Variants in CEP192 observed in about 807,000 individuals in gnomAD.
CEP192 encodes centrosomal protein 192, also known as centrosomal protein of 192 kDa.
CEP192 carries 151 observed loss-of-function variants against 271.8 expected under a neutral mutation model. That is an observed-to-expected ratio of 0.56 (90% CI 0.49 to 0.64). CEP192 has a LOEUF of 0.64. Among genes scored for constraint, CEP192 ranks in the 30% least tolerant of loss-of-function variants. The probability of loss-of-function intolerance (pLI) is 0.00; values close to 1 mark genes in which losing one functional copy is unlikely to be tolerated. For missense variants in CEP192, 2,910 were observed against 3,020.5 expected, an observed-to-expected ratio of 0.96 and a Z score of 0.86; for synonymous variants, 995 against 1,076.5, an observed-to-expected ratio of 0.92 and a Z score of 1.48.
intron 3 of CEP192, among the ~76,000 whole-genome samples, chr18:13,002,717 C>G (rs1374551642): frequency 6.6e-6 from 1 of 151,960 alleles, no homozygotes; most frequent in Non-Finnish European, 1.5e-5. Context: ...TGTATATATG[C>G]ATGAAAGAAA....
At chr18:13,103,708 G>A in intron 39 of CEP192, 120 bp downstream of exon 39, 1 of 868,214 alleles carries the variant, frequency 1.2e-6, no homozygotes, top group South Asian at 1.4e-5. Flanking sequence ...TGTTTTCTGA[G>A]ACAAAAAAGT....
chr18:13,045,323 C>T (rs2036416837), intron 15 of CEP192, among the ~76,000 whole-genome samples: 1 of 151,960 alleles, frequency 6.6e-6, no homozygotes, highest in Admixed American at 6.6e-5. Flanking sequence ...TTCTGCCTTC[C>T]TGCTTTTTCA....
intron 11 of CEP192, among the ~76,000 whole-genome samples, chr18:13,034,820 TA>T (rs33997079): frequency 0.044 from 4,554 of 104,490 alleles, 91 homozygotes; most frequent in Middle Eastern, 0.075. Context: ...CTCTGTCTCA[TA>T]AAAAAAAAAA....
chr18:13,124,436 T>TC, intron 44 of CEP192, 196 bp from the exon 45 acceptor site: 1 of 476,968 alleles, frequency 2.1e-6, no homozygotes, highest in East Asian at 3.0e-5. Context: ...ACTGTTTTAA[T>TC]CCAATTTTAC....
Position 13,116,430 on chromosome 18 carries a change from TC to T in CEP192, c.7345del (p.Arg2449GlyfsTer25). The T allele has an allele frequency of 6.2e-7, 1 of 1,612,956 alleles. No individual in the cohort carries two copies. The highest frequency in any genetic ancestry group is 8.5e-7 in the Non-Finnish European group (1 of 1,179,632). ...TATGCCCCAGAGGATGTGTACAGGT[TC>T]CGGCCGACTAGTGTGGGGGAATCAC... is the stretch of plus-strand genomic sequence containing the variant. ...GVYAPEDVYR[F>X]RPTSVGESRT... On this transcript the variant is annotated frameshift_variant, in exon 43 of 45. Coordinates refer to ENST00000506447, the MANE Select transcript of CEP192 (RefSeq NM_032142.4). LOFTEE classifies it high-confidence loss of function.
At chr18:13,042,981 G>A (rs1438825272) in intron 15 of CEP192, among the ~76,000 whole-genome samples, 1 of 152,184 alleles carries the variant, frequency 6.6e-6, no homozygotes, top group African/African-American at 2.4e-5. Context: ...TCATTTCAGT[G>A]GTTTTGACAG....
At position 13,087,179 on chromosome 18, in the gene CEP192, G is replaced by T; in HGVS notation, c.5779G>T (p.Ala1927Ser). The stretch of plus-strand genomic sequence containing the variant: ...TGGCTCCCGAGCAGCTTTTGTTAAA[G>T]CAGTAGGTTTTAAGGATTCTCAGAA... The part of the protein sequence containing the change: ...NTGSRAAFVK[A>S]VGFKDSQKKV... Residue 1927 changes from alanine to serine, a missense_variant, in exon 31 of 45, where the codon GCA (alanine) becomes TCA (serine). Transcript: ENST00000506447. 1 of 1,614,030 alleles carries T rather than the reference G, an allele frequency of 6.2e-7. No homozygotes were observed. Among genetic ancestry groups the T allele is most frequent in the African/African-American group, 1.3e-5 (1 of 75,028 alleles).
intron 3 of CEP192, among the ~76,000 whole-genome samples, chr18:13,005,792 G>C (rs573559095): frequency 1.3e-4 from 20 of 152,192 alleles, no homozygotes; most frequent in African/African-American, 2.2e-4. Context: ...TTGGGGAGGA[G>C]GGAATTTGTG....
At position 13,001,521 on chromosome 18, in the gene CEP192, C is replaced by G; in HGVS notation, c.229C>G (p.Pro77Ala). ...ATTTTCAGTTCCATCCGGGTCATCT[C>G]CCGGAAGCCAGAGTGATGCTGAACC... ...GRFSVPSGSS[P>A]GSQSDAEPRE... The change falls in exon 3 of 45, where the codon CCC becomes GCC. Residue 77 changes from proline to alanine, a missense_variant. Transcript: ENST00000506447. 6.4e-7 allele frequency: 1 copy of G among 1,551,236 alleles called. No homozygotes were observed. Among genetic ancestry groups the G allele is most frequent in the Non-Finnish European group, 8.7e-7 (1 of 1,146,776 alleles).
chr18:13,018,285 G>A (rs1310916795), intron 7 of CEP192, among the ~76,000 whole-genome samples, 195 bp from the exon 8 acceptor site: 1 of 152,124 alleles, frequency 6.6e-6, no homozygotes, highest in Non-Finnish European at 1.5e-5. Context: ...TTATTCCCCG[G>A]CAACTCTTCA....
chr18:13,113,023 AG>A (rs2040273347), intron 40 of CEP192, among the ~76,000 whole-genome samples: 4 of 152,254 alleles, frequency 2.6e-5, no homozygotes, highest in Admixed American at 2.0e-4. Context: ...GTACACATGC[AG>A]GGTGTTTATC....
intron 44 of CEP192, among the ~76,000 whole-genome samples, chr18:13,120,218 C>T (rs559623080): frequency 3.3e-5 from 5 of 151,760 alleles, no homozygotes; most frequent in Non-Finnish European, 7.4e-5. Flanking sequence ...GGGACAAGAC[C>T]AACTGAGTGG....
At chr18:13,071,713 T>A (rs1286363126) in intron 28 of CEP192, among the ~76,000 whole-genome samples, 2 of 148,854 alleles carry the variant, frequency 1.3e-5, no homozygotes. Context: ...ACTGTAAAAT[T>A]GTTTGTTGTT....
intron 30 of CEP192, among the ~76,000 whole-genome samples, chr18:13,076,373 T>C (rs1420163855): frequency 6.6e-6 from 1 of 151,586 alleles, no homozygotes; most frequent in Non-Finnish European, 1.5e-5. Flanking sequence ...TACAGGCGCG[T>C]GCCACCACAC....
intron 12 of CEP192, among the ~76,000 whole-genome samples, chr18:13,037,599 C>T (rs905896089): frequency 1.3e-5 from 2 of 152,096 alleles, no homozygotes; most frequent in Non-Finnish European, 2.9e-5. Context: ...GCTGTGTCAC[C>T]CAGGCTGGAG....
At chr18:13,099,167 A>C (rs1404736714) in intron 36 of CEP192, among the ~76,000 whole-genome samples, 1 of 79,130 alleles carries the variant, frequency 1.3e-5, no homozygotes, top group Admixed American at 1.9e-4. Flanking sequence ...GAGGGAGACC[A>C]TGGGGAGAGG....
chr18:13,104,868 T>C (rs1321704359), intron 39 of CEP192, 116 bp from the exon 40 acceptor site: 7 of 776,134 alleles, frequency 9.0e-6, no homozygotes, highest in African/African-American at 8.7e-5. Flanking sequence ...TGTGTTCTTT[T>C]TGTCCACTGC....
rs554570627 is a variant in CEP192 at position 13,062,437 on chromosome 18, G to A, written c.4488+3125G>A. On this transcript the variant is annotated intron_variant, in intron 21 of 44. Coordinates refer to ENST00000506447, the MANE Select transcript of CEP192 (RefSeq NM_032142.4). ...TTTAAAGTATATGCACCTTTATTTT[G>A]GCTAGATATTGCCAATTTGCTCTCT... Among the ~76,000 whole-genome samples, 3 of 151,984 alleles carry A rather than the reference G, an allele frequency of 2.0e-5. No homozygotes were observed. In the South Asian group the frequency reaches 6.2e-4, roughly 32 times the overall value.
At chr18:13,113,287 G>T (rs1801325016) in intron 40 of CEP192, among the ~76,000 whole-genome samples, 2 of 152,202 alleles carry the variant, frequency 1.3e-5, no homozygotes, top group South Asian at 4.1e-4. Context: ...TCCTCGTGTA[G>T]GTGTTGTGCT....
Sources: gnomAD v4.1 joint callset for allele counts (sites outside exome capture counted in the v4.1 genomes callset) on GRCh38, gnomAD v4.1.1 for gene constraint, MANE v1.5 for transcripts, NCBI Gene and HGNC (gene_info 2026-07-23, HGNC 2026-07-21) for gene names.